SORBS3: variants seen among roughly 807,000 people sequenced by gnomAD.
SORBS3 encodes the protein sorbin and SH3 domain containing 3.
SORBS3 carries 69 observed loss-of-function variants against 98.0 expected under a neutral mutation model. The observed-to-expected ratio is 0.70, with a 90% CI of 0.58 to 0.86. SORBS3 has a LOEUF of 0.86. Ranked by LOEUF, SORBS3 falls within the 40% of genes least tolerant of loss-of-function variation. The probability of loss-of-function intolerance (pLI) is 0.00; values close to 1 mark genes in which losing one functional copy is unlikely to be tolerated. For missense variants in SORBS3, 954 were observed against 908.5 expected, an observed-to-expected ratio of 1.05 and a Z score of -0.64; for synonymous variants, 394 against 355.4, an observed-to-expected ratio of 1.11 and a Z score of -1.22.
chr8:22,573,474 T>C (rs1029962338), intron 20 of SORBS3: 1 of 446,400 alleles, frequency 2.2e-6, no homozygotes, highest in Non-Finnish European at 4.5e-6. Context: ...TCAAATGAAA[T>C]AAATTAAAAA....
In SORBS3 at chr8:22,554,724, T is replaced by C. The variant is rs1379854699; in HGVS notation, c.102+116T>C. 12 of 1,373,938 alleles carry C rather than the reference T, an allele frequency of 8.7e-6. No individual in the cohort carries two copies. The highest frequency in any genetic ancestry group is 1.1e-5 in the Non-Finnish European group (11 of 1,012,838). The allele number at this position is 1,373,938 out of a possible 1,614,324, so 85.1% of individuals were successfully genotyped here. ...ATGGAGGGAGGGCTGAAGAGAGCTC[T>C]GGGGGGCCTCGCTGGTTTCCCACAA... On this transcript the variant is annotated intron_variant, in intron 2 of 20. Coordinates refer to ENST00000240123, the MANE Select transcript of SORBS3 (RefSeq NM_005775.5). This position sits in a 1 kb window ranked among gnomAD's most constrained non-coding sequence, Gnocchi z 6.5.
In SORBS3 at chr8:22,571,128, C is replaced by T. The variant is rs965042678; in HGVS notation, c.1650C>T (p.Arg550=). ...ACCCCAGCTCCCCCTCAGCCCTGCG[C>T]AGCCCAGCTGACCCCATCGACTTGG... ...ARHPSSPSAL[R]SPADPIDLGG... is the part of the protein sequence containing the mutation. The change falls in exon 18 of 21, where the codon CGC becomes CGT. Residue 550 remains arginine, a synonymous_variant. Transcript: ENST00000240123. The T allele has an allele frequency of 6.2e-7, 1 of 1,605,896 alleles. No individual in the cohort carries two copies. Among genetic ancestry groups the T allele is most frequent in the Non-Finnish European group, 8.5e-7 (1 of 1,177,908 alleles).
At chr8:22,567,205 C>T (rs1840449204) in intron 16 of SORBS3, 30 bp downstream of exon 16, 5 of 1,193,602 alleles carry the variant, frequency 4.2e-6, no homozygotes, top group Non-Finnish European at 6.2e-6. Flanking sequence ...GCAAGTGGGG[C>T]TGGGCTGGGA....
chr8:22,561,862 C>A lies in SORBS3; in HGVS notation c.518-3C>A, dbSNP rs759816553. 1.9e-6 allele frequency: 3 copies of A among 1,613,970 alleles called. No homozygotes were observed. The highest frequency in any genetic ancestry group is 2.2e-5 in the South Asian group (2 of 91,080). On this transcript the variant is annotated splice_region_variant and splice_polypyrimidine_tract_variant and intron_variant, in intron 6 of 20. Transcript: ENST00000240123. ...ATGCTTTCCTCGTGTACCTCCTCTGCAGACCCCAGGCATCTAGGAGCCCAG... is the reference window on the plus strand; with the variant it reads ...ATGCTTTCCTCGTGTACCTCCTCTGAAGACCCCAGGCATCTAGGAGCCCAG...
chr8:22,556,436 A>G (rs1586890908), intron 3 of SORBS3, among the ~76,000 whole-genome samples: 1 of 152,274 alleles, frequency 6.6e-6, no homozygotes, highest in East Asian at 1.9e-4. Context: ...TGCATTCTCT[A>G]CAAGTAATGA....
In SORBS3 at chr8:22,554,577, C is replaced by G. The variant is rs1372889330; in HGVS notation, c.71C>G (p.Ser24Cys). 6.2e-7 allele frequency: 1 copy of G among 1,612,946 alleles called. No homozygotes were observed. Among genetic ancestry groups the G allele is most frequent in the Non-Finnish European group, 8.5e-7 (1 of 1,179,984 alleles). Residue 24 changes from serine (S) to cysteine (C), a missense_variant, in exon 2 of 21, where the codon TCC (serine) becomes TGC (cysteine). Ser to Cys is a moderately radical substitution (Grantham distance 112). Transcript: ENST00000240123. The surrounding 1 kb of genome is among the most constrained non-coding windows in gnomAD (Gnocchi z 6.5). ...GACTTCATCCCTGGCCACCTCCAGT[C>G]CCACATAGGGTCTTCCTCCCGGGGG... Reference protein sequence around the residue: ...LDDFIPGHLQSHIGSSSRGTR... With the variant: ...LDDFIPGHLQCHIGSSSRGTR...
intron 16 of SORBS3, 76 bp downstream of exon 16, chr8:22,567,251 T>TG: frequency 1.8e-6 from 2 of 1,124,334 alleles, no homozygotes; most frequent in Non-Finnish European, 2.6e-6. Flanking sequence ...GTGCAAACCT[T>TG]GGGTTTCCTA....
At position 22,566,683 on chromosome 8, in the gene SORBS3, G is replaced by C. The variant is rs1394285504; in HGVS notation, c.1113G>C (p.Gly371=). The part of the protein sequence containing the change: ...STRDPSASNG[G]GSPARREEKK... ...CAGACCCTAGTGCCTCTAACGGAGG[G>C]GGCAGCCCAGCCAGGAGGGAAGAGA... The change falls in exon 14 of 21, where the codon GGG becomes GGC. Residue 371 remains glycine (G), a synonymous_variant. Transcript: ENST00000240123. 2 of 1,610,694 alleles carry C rather than the reference G, an allele frequency of 1.2e-6. No individual in the cohort carries two copies. Among genetic ancestry groups the C allele is most frequent in the South Asian group, 1.1e-5 (1 of 90,852 alleles).
At chr8:22,552,938 C>G (rs569769783) in intron 1 of SORBS3, among the ~76,000 whole-genome samples, 1 of 152,180 alleles carries the variant, frequency 6.6e-6, no homozygotes, top group Non-Finnish European at 1.5e-5. Flanking sequence ...CCCTCCACTC[C>G]CCCCAGTCAG....
At chr8:22,548,849 C>T (rs1840043443), upstream of SORBS3, among the ~76,000 whole-genome samples, 1 of 152,340 alleles carries the variant, frequency 6.6e-6, no homozygotes, top group South Asian at 2.1e-4. Context: ...CACTTCAGTG[C>T]TCTTTCCCCT....
At chr8:22,565,668 C>A (rs1036984312) in intron 11 of SORBS3, 158 bp from the exon 12 acceptor site, 3 of 1,208,762 alleles carry the variant, frequency 2.5e-6, no homozygotes, top group Non-Finnish European at 3.1e-6. Flanking sequence ...CCCTAGTTCC[C>A]GCCCCGCTCC....
At chr8:22,563,034 G>A (rs898491402) in intron 7 of SORBS3, among the ~76,000 whole-genome samples, 11 of 152,180 alleles carry the variant, frequency 7.2e-5, no homozygotes, top group African/African-American at 2.4e-4. Context: ...TAGGAGAATG[G>A]CATGAACCCA....
chr8:22,551,513 T>C (rs1840080766), upstream of SORBS3, among the ~76,000 whole-genome samples: 1 of 152,068 alleles, frequency 6.6e-6, no homozygotes, highest in Non-Finnish European at 1.5e-5. The surrounding 1 kb of genome is among the most constrained non-coding windows in gnomAD (Gnocchi z 5.8). Flanking sequence ...TCTGGAAATG[T>C]CGCTGGAAAC....
At chr8:22,569,428 C>T (rs548578952) in intron 17 of SORBS3, among the ~76,000 whole-genome samples, 155 bp downstream of exon 17, 1 of 152,296 alleles carries the variant, frequency 6.6e-6, no homozygotes, top group African/African-American at 2.4e-5. Context: ...CAACCTCCGC[C>T]TCCCGGGTTC....
rs539722652 is a variant in SORBS3, at chr8:22,572,585, G to T, written c.1954+139G>T. The T allele has an allele frequency of 2.0e-4, 139 of 698,300 alleles. No individual in the cohort carries two copies. The African/African-American group carries it at 2.3e-3, about 11-fold the overall frequency. 43.3% of individuals were successfully genotyped at this position (698,300 alleles called of 1,614,324 possible). A position where few individuals can be genotyped will look rare whatever the true frequency, so the allele number is the denominator to read the frequency against. ...AGCTTCCGGCCGGGCTACTGGGGGG[G>T]CCTGGCACCCGATGCTTCCCCAAAG... is the stretch of plus-strand genomic sequence containing the variant. On this transcript the variant is annotated intron_variant, in intron 20 of 20. Transcript: ENST00000240123.
At chr8:22,552,553 G>A (rs1840102424) in intron 1 of SORBS3, among the ~76,000 whole-genome samples, 3 of 152,326 alleles carry the variant, frequency 2.0e-5, no homozygotes, top group Middle Eastern at 3.4e-3. Flanking sequence ...GTTGAGAAGG[G>A]GCAGATGGGG....
intron 5 of SORBS3, chr8:22,561,076 A>G (rs1586895346): frequency 2.3e-6 from 1 of 437,040 alleles, no homozygotes. Context: ...GTGTGGGAAC[A>G]GGGAGGGAGG....
rs370643469 is a variant in SORBS3 at position 22,574,638 on chromosome 8, G to C, written c.1955-29G>C. ...CATCCCTGTTAAAGAAGGGAGTGGG[G>C]AAAGCTCTTCCTGCCTTTCCTCTTT... On this transcript the variant is annotated intron_variant, in intron 20 of 20. Transcript: ENST00000240123. The C allele has an allele frequency of 6.8e-6, 11 of 1,611,256 alleles. No individual in the cohort carries two copies. In the African/African-American group the frequency reaches 1.3e-4, roughly 20 times the overall value.
chr8:22,549,860 C>A, upstream of SORBS3: 1 of 469,514 alleles, frequency 2.1e-6, no homozygotes, highest in Non-Finnish European at 2.8e-6. Context: ...GGAACTTTGT[C>A]AGCTCTGCTG....
Sources: gnomAD v4.1 joint callset for allele counts (sites outside exome capture counted in the v4.1 genomes callset) on GRCh38, gnomAD v4.1.1 for gene constraint, Gnocchi (gnomAD v3.1) non-coding constraint, MANE v1.5 for transcripts, NCBI Gene and HGNC (gene_info 2026-07-23, HGNC 2026-07-21) for gene names.